KCNJ6: variants seen among roughly 807,000 people sequenced by gnomAD.
KCNJ6 encodes potassium inwardly rectifying channel subfamily J member 6, also known as G protein-activated inward rectifier potassium channel 2.
A neutral mutation model predicts 34.2 loss-of-function variants in KCNJ6; 9 were observed. The ratio of observed to expected loss-of-function variants is 0.26; its 90% CI spans 0.16 to 0.46. The LOEUF is 0.46. KCNJ6 is among the 20% of genes least tolerant of loss of function. The pLI is 1.00. For missense variants in KCNJ6, 236 were observed against 531.3 expected (o/e 0.44, Z 5.46); for synonymous variants, 196 against 207.1 (o/e 0.95, Z 0.46).
At chr21:37,897,193 A>G in intron 1 of KCNJ6, among the ~76,000 whole-genome samples, 1 of 152,190 alleles carries the variant, frequency 6.6e-6, no homozygotes. Context: ...GGCAGCTCTA[A>G]AAAGAAGTCC....
chr21:37,725,284 T>TTA (rs1213946213), intron 2 of KCNJ6, among the ~76,000 whole-genome samples: 1 of 152,112 alleles, frequency 6.6e-6, no homozygotes, highest in East Asian at 1.9e-4. Context: ...TCCCAGCTAC[T>TTA]TAGGAGGCTG....
chr21:37,873,439 G>T lies in KCNJ6; in HGVS notation c.-27-32730C>A, dbSNP rs1458270989. ...TCACTGGTGGCCAATGGGGATAACT[G>T]GATTGAGGCCAGGCAGACTAGTGCA... On this transcript the variant is annotated intron_variant, in intron 1 of 3. Coordinates refer to ENST00000609713, the MANE Select transcript of KCNJ6 (RefSeq NM_002240.5). 2.0e-5 allele frequency among the ~76,000 whole-genome samples: 3 copies of T among 152,156 alleles called. No individual in the cohort carries two copies. The East Asian group carries it at 5.8e-4, about 29-fold the overall frequency.
At chr21:37,795,472 T>C (rs1168554015) in intron 2 of KCNJ6, among the ~76,000 whole-genome samples, 1 of 152,118 alleles carries the variant, frequency 6.6e-6, no homozygotes, top group Non-Finnish European at 1.5e-5. Context: ...GGGCTGGACA[T>C]GGTGGTTCAT....
At chr21:37,775,355 T>G (rs1286910211) in intron 2 of KCNJ6, among the ~76,000 whole-genome samples, 2 of 152,258 alleles carry the variant, frequency 1.3e-5, no homozygotes, top group Non-Finnish European at 2.9e-5. Flanking sequence ...TTTAGTTTAA[T>G]TAGAACCCAT....
chr21:37,647,320 A>T (rs973659629), intron 3 of KCNJ6, among the ~76,000 whole-genome samples: 1 of 152,048 alleles, frequency 6.6e-6, no homozygotes, highest in African/African-American at 2.4e-5. Context: ...TGGCCGACAG[A>T]TGTGTGTATG....
Position 37,610,390 on chromosome 21 carries a change from G to A in KCNJ6, c.*14769C>T, listed in dbSNP as rs2054238575. On this transcript the variant is annotated 3_prime_UTR_variant, in exon 4 of 4. Coordinates refer to ENST00000609713, the MANE Select transcript of KCNJ6 (RefSeq NM_002240.5). ...GAAATTCTCAGATCACTTGGGATCA[G>A]GAGTTCAAGACCAGCCTGGCCAACA... 1 of 151,984 alleles carries A rather than the reference G, an allele frequency of 6.6e-6. No individual in the cohort carries two copies. Among genetic ancestry groups the A allele is most frequent in the African/African-American group, 2.4e-5 (1 of 41,366 alleles). The allele number at this position is 151,984 out of a possible 1,614,324, so 9.4% of individuals were successfully genotyped here. A position where few individuals can be genotyped will look rare whatever the true frequency, so the allele number is the denominator to read the frequency against.
intron 2 of KCNJ6, among the ~76,000 whole-genome samples, chr21:37,807,940 T>C (rs1376232432): frequency 1.3e-5 from 2 of 152,176 alleles, no homozygotes; most frequent in African/African-American, 2.4e-5. Context: ...AGGGTTCAGA[T>C]AGGGGGCGAG....
intron 3 of KCNJ6, among the ~76,000 whole-genome samples, chr21:37,634,813 C>A (rs1601396701): frequency 1.3e-5 from 2 of 149,836 alleles, no homozygotes; most frequent in Admixed American, 1.3e-4. Flanking sequence ...GGCTGGAGTG[C>A]AGTGGCATGA....
intron 2 of KCNJ6, among the ~76,000 whole-genome samples, chr21:37,781,528 GACA>G (rs879545089): frequency 1.3e-5 from 2 of 152,140 alleles, no homozygotes; most frequent in Non-Finnish European, 2.9e-5. Flanking sequence ...CACTAATGAT[GACA>G]ACAATTATGA....
intron 2 of KCNJ6, among the ~76,000 whole-genome samples, chr21:37,791,285 G>A (rs562830360): frequency 2.9e-4 from 44 of 152,212 alleles, no homozygotes; most frequent in Non-Finnish European, 6.0e-4. Context: ...GAAGAAAAAT[G>A]ATAGTGTTAC....
intron 1 of KCNJ6, among the ~76,000 whole-genome samples, chr21:37,914,063 G>C (rs913755461): frequency 1.3e-5 from 2 of 149,736 alleles, no homozygotes; most frequent in Non-Finnish European, 3.0e-5. Context: ...GTGCGCGCGC[G>C]CGTCCTTTTT....
chr21:37,884,007 T>C (rs897586614), intron 1 of KCNJ6, among the ~76,000 whole-genome samples: 1 of 152,174 alleles, frequency 6.6e-6, no homozygotes, highest in Non-Finnish European at 1.5e-5. Context: ...TTCTTCATCA[T>C]GGGATGCATC....
chr21:37,802,790 T>C (rs80175197), intron 2 of KCNJ6, among the ~76,000 whole-genome samples: 1 of 152,202 alleles, frequency 6.6e-6, no homozygotes, highest in African/African-American at 2.4e-5. Flanking sequence ...ATTTAAATCA[T>C]TTTAAGGGTC....
intron 1 of KCNJ6, among the ~76,000 whole-genome samples, chr21:37,845,143 T>C (rs1456581192): frequency 1.3e-5 from 2 of 152,180 alleles, no homozygotes; most frequent in South Asian, 4.1e-4. Flanking sequence ...TAGACTGTGA[T>C]TATTGGTGGT....
At chr21:37,687,081 A>C (rs935415825) in intron 3 of KCNJ6, among the ~76,000 whole-genome samples, 1 of 151,820 alleles carries the variant, frequency 6.6e-6, no homozygotes, top group Admixed American at 6.6e-5. Context: ...GGTTCTGATC[A>C]CTCCCAGCAC....
chr21:37,835,648 C>T (rs560924157), intron 2 of KCNJ6, among the ~76,000 whole-genome samples: 8 of 152,360 alleles, frequency 5.3e-5, no homozygotes, highest in African/African-American at 1.9e-4. Context: ...ACAGAGTCTA[C>T]TAGGCTGTGT....
At chr21:37,881,510 GCTT>G (rs2055708324) in intron 1 of KCNJ6, among the ~76,000 whole-genome samples, 1 of 151,774 alleles carries the variant, frequency 6.6e-6, no homozygotes, top group African/African-American at 2.4e-5. Flanking sequence ...CTCTTCCTCT[GCTT>G]CTTTTGTTGT....
In KCNJ6 at chr21:37,609,382, C is replaced by T. The variant is rs747584941; in HGVS notation, c.*15777G>A. ...AACTAGATGCAGTCTTATCTTCAAT[C>T]GCATAGATTCAAAATTAAAGAGACT... On this transcript the variant is annotated 3_prime_UTR_variant, in exon 4 of 4. Transcript: ENST00000609713. The T allele has an allele frequency of 8.5e-5, 13 of 152,160 alleles. No individual in the cohort carries two copies. Among genetic ancestry groups the T allele is most frequent in the East Asian group, 5.8e-4 (3 of 5,202 alleles). The allele number at this position is 152,160 out of a possible 1,614,324, so 9.4% of individuals were successfully genotyped here.
intron 3 of KCNJ6, among the ~76,000 whole-genome samples, chr21:37,705,741 TCAC>T (rs1455278185): frequency 6.6e-6 from 1 of 152,196 alleles, no homozygotes; most frequent in African/African-American, 2.4e-5. Context: ...ATCTCAGTCT[TCAC>T]CAGTGAAGAA....
Sources: allele counts gnomAD v4.1 joint callset (sites outside exome capture counted in the v4.1 genomes callset), GRCh38; gene constraint gnomAD v4.1.1; transcripts MANE v1.5; gene names NCBI Gene and HGNC (gene_info 2026-07-23, HGNC 2026-07-21).